SLFN12L: variants seen among roughly 807,000 people sequenced by gnomAD.
The protein encoded by SLFN12L is schlafen family member 12-like.
In SLFN12L, 34 loss-of-function variants were observed where a neutral mutation model predicts 34.8. The observed-to-expected ratio is 0.98, with a 90% CI of 0.74 to 1.30. SLFN12L has a LOEUF of 1.30. Ranked by LOEUF, SLFN12L falls within the 50% of genes most tolerant of loss-of-function variation. The pLI is 0.00. For missense variants in SLFN12L, 703 were observed against 696.2 expected, an observed-to-expected ratio of 1.01 and a Z score of -0.11; for synonymous variants, 259 against 247.5, an observed-to-expected ratio of 1.05 and a Z score of -0.44.
rs1374414643 is a variant in SLFN12L, at chr17:35,478,120, C to T, written c.1231G>A (p.Glu411Lys). The change falls in exon 4 of 5, where the codon GAA becomes AAA. Residue 411 changes from glutamate to lysine, a missense_variant. Glu to Lys is a moderately conservative substitution (Grantham distance 56). Transcript: ENST00000628453. ...GGCTGAATTTTGAAGTTAATATATT[C>T]ACGAAGAGGATAACTCTGGGAGACA... is the stretch of plus-strand genomic sequence containing the variant. The part of the protein sequence containing the change: ...SPVSQSYPLR[E>K]YINFKIQPLR... The T allele has an allele frequency of 1.3e-6, 2 of 1,545,394 alleles. No individual in the cohort carries two copies. Among genetic ancestry groups the T allele is most frequent in the Admixed American group, 2.0e-5 (1 of 50,886 alleles).
intron 2 of SLFN12L, among the ~76,000 whole-genome samples, chr17:35,505,196 A>T (rs541812555): frequency 1.4e-4 from 22 of 152,236 alleles, no homozygotes; most frequent in Non-Finnish European, 2.8e-4. Context: ...CAAGCTTTTC[A>T]TGAGTTAAAA....
intron 2 of SLFN12L, among the ~76,000 whole-genome samples, chr17:35,495,537 C>G (rs538018605): frequency 2.0e-5 from 3 of 152,160 alleles, no homozygotes; most frequent in Non-Finnish European, 2.9e-5. Flanking sequence ...AGGACACAGG[C>G]CAAAACAATC....
chr17:35,495,883 G>A (rs1324434987), intron 2 of SLFN12L, among the ~76,000 whole-genome samples: 2 of 147,276 alleles, frequency 1.4e-5, no homozygotes, highest in African/African-American at 5.1e-5. Flanking sequence ...GACAGAAGCT[G>A]GAGAAAGCCG....
chr17:35,525,036 C>A (rs2072320173), intron 1 of SLFN12L, among the ~76,000 whole-genome samples: 1 of 151,922 alleles, frequency 6.6e-6, no homozygotes, highest in Non-Finnish European at 1.5e-5. Flanking sequence ...AGCTGAAAAA[C>A]ACAGCACGAG....
intron 2 of SLFN12L, chr17:35,500,017 T>A (rs16971029): frequency 0.019 from 2,873 of 152,794 alleles, 35 homozygotes; most frequent in Middle Eastern, 0.071. Context: ...CTCTGCCTCA[T>A]GTTACTTTGG....
intron 2 of SLFN12L, among the ~76,000 whole-genome samples, chr17:35,516,763 G>A (rs1915841866): frequency 6.6e-6 from 1 of 152,128 alleles, no homozygotes; most frequent in South Asian, 2.1e-4. Context: ...CCATCCAACA[G>A]AAATATAATG....
At chr17:35,495,908 C>G in intron 2 of SLFN12L, among the ~76,000 whole-genome samples, 1 of 67,330 alleles carries the variant, frequency 1.5e-5, no homozygotes, top group Non-Finnish European at 3.0e-5. Flanking sequence ...GAAACACACA[C>G]ACACACACAC....
At chr17:35,488,176 T>G (rs1037752157) in intron 2 of SLFN12L, among the ~76,000 whole-genome samples, 1 of 152,030 alleles carries the variant, frequency 6.6e-6, no homozygotes, top group Non-Finnish European at 1.5e-5. Context: ...GCCACTACGC[T>G]CCAGCCTGGG....
intron 2 of SLFN12L, among the ~76,000 whole-genome samples, chr17:35,486,583 A>G (rs1268922266): frequency 6.6e-6 from 1 of 152,140 alleles, no homozygotes; most frequent in South Asian, 2.1e-4. Context: ...CTGGAACACA[A>G]TGCTAAAATT....
chr17:35,490,314 A>G, intron 2 of SLFN12L: 4 of 1,449,418 alleles, frequency 2.8e-6, no homozygotes, highest in Non-Finnish European at 3.9e-6. Flanking sequence ...AGAAGTCCAG[A>G]TACTCCAAAA....
intron 2 of SLFN12L, among the ~76,000 whole-genome samples, chr17:35,517,044 G>A (rs1467202466): frequency 1.3e-5 from 2 of 152,148 alleles, no homozygotes; most frequent in African/African-American, 4.8e-5. Context: ...TGGCTAATGT[G>A]TGCCATGGGC....
intron 2 of SLFN12L, among the ~76,000 whole-genome samples, chr17:35,505,216 A>C (rs193267117): frequency 6.6e-6 from 1 of 152,356 alleles, no homozygotes; most frequent in East Asian, 1.9e-4. Context: ...AGAAAAACTC[A>C]TGTCGGCCCC....
Position 35,469,604 on chromosome 17 carries a change from C to T in SLFN12L, c.*5319G>A, listed in dbSNP as rs116044566. On this transcript the variant is annotated 3_prime_UTR_variant, in exon 5 of 5. Transcript: ENST00000628453. ...CACTATTACCACCCCAGGTTTCTTA[C>T]GATGATGCCAAATAGGCCCAGGGGC... is the stretch of plus-strand genomic sequence containing the variant. 5.0e-3 allele frequency among the ~76,000 whole-genome samples: 757 copies of T among 152,090 alleles called. 5 individuals carry two copies. Among genetic ancestry groups the T allele is most frequent in the African/African-American group, 0.017 (714 of 41,490 alleles).
chr17:35,472,687 G>A lies in SLFN12L; in HGVS notation c.*2236C>T, dbSNP rs745905979. ...TTGATTCCATATGAAATTCTGTGAA[G>A]AATGTCAATGGTAGTTTGATGGGAA... On this transcript the variant is annotated 3_prime_UTR_variant, in exon 5 of 5. Transcript: ENST00000628453. Among the ~76,000 whole-genome samples the A allele has an allele frequency of 6.6e-6, 1 of 152,170 alleles. No individual in the cohort carries two copies. The highest frequency in any genetic ancestry group is 1.5e-5 in the Non-Finnish European group (1 of 68,036).
intron 1 of SLFN12L, among the ~76,000 whole-genome samples, chr17:35,530,496 GAAAGAAAGAAAGAAAGAAAAGA>G (rs2072395228): frequency 5.2e-5 from 2 of 38,398 alleles, no homozygotes; most frequent in African/African-American, 1.4e-4. Context: ...AAGAAAGAAA[GAAAGAAAGAAAGAAAGAAAAGA>G]AAAGAAAAGA....
chr17:35,529,310 A>G (rs2072367933), intron 1 of SLFN12L, among the ~76,000 whole-genome samples: 1 of 152,264 alleles, frequency 6.6e-6, no homozygotes, highest in Non-Finnish European at 1.5e-5. Context: ...ATCTGGAACC[A>G]GAAATACCAT....
intron 2 of SLFN12L, chr17:35,491,169 A>G (rs28446362): frequency 4.7e-6 from 4 of 842,832 alleles, no homozygotes; most frequent in Non-Finnish European, 7.9e-6. Flanking sequence ...GGGAGGAGGA[A>G]GGCATCAGCG....
Position 35,475,330 on chromosome 17 carries a change from G to T in SLFN12L, c.1432C>A (p.Gln478Lys). Residue 478 changes from glutamine (Q) to lysine (K), a missense_variant, in exon 5 of 5, where the codon CAA (glutamine) becomes AAA (lysine). Physicochemically the swap from Gln to Lys is moderately conservative, Grantham distance 53 (BLOSUM62 1). Transcript: ENST00000628453. ...TCACAGAGGACTTTGTGGTTCTCTT[G>T]CAAGCCCAGATCCAAAGACCAGCTC... ...SRSWSLDLGLQENHKVLCDAL... is the reference protein window; with the variant it reads ...SRSWSLDLGLKENHKVLCDAL... The T allele has an allele frequency of 3.1e-6, 5 of 1,614,158 alleles. No individual in the cohort carries two copies. The highest frequency in any genetic ancestry group is 4.2e-6 in the Non-Finnish European group (5 of 1,180,034).
At position 35,522,208 on chromosome 17, in the gene SLFN12L, C is replaced by T. The variant is rs1043099477; in HGVS notation, c.86+71G>A. 2.5e-6 allele frequency: 4 copies of T among 1,581,134 alleles called. No individual in the cohort carries two copies. The African/African-American group carries it at 5.4e-5, about 21-fold the overall frequency. On this transcript the variant is annotated intron_variant, in intron 2 of 4. Transcript: ENST00000628453. ...ATTTTACCACTTAATTTTCAAGGGA[C>T]AAGGTGACTTAGCAGAGAAAATTAA... is the stretch of plus-strand genomic sequence containing the variant.
Sources: allele counts gnomAD v4.1 joint callset (sites outside exome capture counted in the v4.1 genomes callset), GRCh38; gene constraint gnomAD v4.1.1; transcripts MANE v1.5; gene names NCBI Gene and HGNC (gene_info 2026-07-23, HGNC 2026-07-21).